TAOK3: variants seen among roughly 807,000 people sequenced by gnomAD.
TAOK3 encodes TAO kinase 3.
Under a neutral mutation model 120.4 loss-of-function variants are expected in TAOK3, and 40 were observed. The observed-to-expected ratio is 0.33, with a 90% CI of 0.26 to 0.43. The LOEUF is 0.43. TAOK3 is among the 20% of genes least tolerant of loss of function. TAOK3 has a pLI of 1.00. For synonymous variants in TAOK3, 355 were observed against 387.5 expected (o/e 0.92, Z 0.99); for missense variants, 821 against 1,112.1 (o/e 0.74, Z 3.72).
At chr12:118,302,555 G>T (rs1302287285) in intron 1 of TAOK3, among the ~76,000 whole-genome samples, 1 of 152,146 alleles carries the variant, frequency 6.6e-6, no homozygotes, top group Non-Finnish European at 1.5e-5. Context: ...ATCTTTGCTG[G>T]AGAGAGGTAA....
chr12:118,262,010 A>G (rs771291192), intron 2 of TAOK3, among the ~76,000 whole-genome samples: 3 of 152,084 alleles, frequency 2.0e-5, no homozygotes, highest in African/African-American at 4.8e-5. Flanking sequence ...ACAGGCATGC[A>G]CCACTATGTC....
chr12:118,163,210 G>T lies in TAOK3; in HGVS notation c.1900-1183C>A, dbSNP rs917110834. ...TGAGGGCTGAGGATTAGAGAAAGCT[G>T]GGCTTCAGATCAAGAAGAAAGGAAA... is the stretch of plus-strand genomic sequence containing the variant. On this transcript the variant is annotated intron_variant, in intron 17 of 20. Coordinates refer to ENST00000392533, the MANE Select transcript of TAOK3 (RefSeq NM_016281.4). Among the ~76,000 whole-genome samples, 3 of 152,134 alleles carry T rather than the reference G, an allele frequency of 2.0e-5. No individual in the cohort carries two copies. In the East Asian group the frequency reaches 5.8e-4, roughly 29 times the overall value.
chr12:118,215,149 G>A (rs1320749926), intron 9 of TAOK3, among the ~76,000 whole-genome samples: 1 of 149,554 alleles, frequency 6.7e-6, no homozygotes, highest in African/African-American at 2.4e-5. Flanking sequence ...AAAGTGCTGG[G>A]ATTACAGGCG....
intron 1 of TAOK3, among the ~76,000 whole-genome samples, chr12:118,336,771 A>G (rs1465247100): frequency 6.6e-6 from 1 of 152,280 alleles, no homozygotes; most frequent in Admixed American, 6.5e-5. Flanking sequence ...AAAAACTCCA[A>G]TTACAAAAAG....
At chr12:118,336,389 G>T (rs142489423) in intron 1 of TAOK3, among the ~76,000 whole-genome samples, 1 of 152,256 alleles carries the variant, frequency 6.6e-6, no homozygotes, top group East Asian at 1.9e-4. Context: ...GGAGGAATGG[G>T]ATGAACATAG....
intron 2 of TAOK3, among the ~76,000 whole-genome samples, chr12:118,261,222 C>T (rs985648203): frequency 6.6e-6 from 1 of 152,104 alleles, no homozygotes; most frequent in Non-Finnish European, 1.5e-5. Flanking sequence ...TAAGTGGAGT[C>T]CCTGAAGGGG....
intron 1 of TAOK3, among the ~76,000 whole-genome samples, chr12:118,337,564 A>G (rs907229860): frequency 2.0e-5 from 3 of 152,246 alleles, no homozygotes; most frequent in Non-Finnish European, 2.9e-5. Flanking sequence ...CATCCATACC[A>G]TGGAAAATTA....
At chr12:118,368,190 C>G (rs1483775701) in intron 1 of TAOK3, among the ~76,000 whole-genome samples, 1 of 152,122 alleles carries the variant, frequency 6.6e-6, no homozygotes, top group Non-Finnish European at 1.5e-5. Flanking sequence ...ATCTTAACGA[C>G]TTTTGGTTAT....
intron 1 of TAOK3, among the ~76,000 whole-genome samples, chr12:118,318,302 A>C (rs2043557339): frequency 6.6e-6 from 1 of 151,782 alleles, no homozygotes; most frequent in African/African-American, 2.4e-5. Flanking sequence ...GGACTACAGG[A>C]ACGCACCACC....
At chr12:118,289,553 A>C (rs1203615897) in intron 1 of TAOK3, among the ~76,000 whole-genome samples, 1 of 152,196 alleles carries the variant, frequency 6.6e-6, no homozygotes, top group East Asian at 1.9e-4. Flanking sequence ...AAGACTCTTT[A>C]AATTTATTTG....
At chr12:118,199,433 A>C in intron 12 of TAOK3, 176 bp from the exon 13 acceptor site, 83 of 611,498 alleles carry the variant, frequency 1.4e-4, no homozygotes, top group East Asian at 2.5e-4. Context: ...CATACATCTC[A>C]TATTTGCTTC....
intron 1 of TAOK3, among the ~76,000 whole-genome samples, chr12:118,303,003 C>T (rs999555834): frequency 6.6e-6 from 1 of 152,166 alleles, no homozygotes; most frequent in Non-Finnish European, 1.5e-5. Context: ...ACTAAACACC[C>T]ACCCAAACAA....
intron 1 of TAOK3, among the ~76,000 whole-genome samples, chr12:118,349,383 T>C (rs2045033449): frequency 6.6e-6 from 1 of 152,170 alleles, no homozygotes; most frequent in Non-Finnish European, 1.5e-5. Context: ...TCTTGAATAA[T>C]CAGAATGTGG....
chr12:118,284,160 T>C (rs2042186919), intron 1 of TAOK3, among the ~76,000 whole-genome samples: 1 of 152,244 alleles, frequency 6.6e-6, no homozygotes, highest in African/African-American at 2.4e-5. Flanking sequence ...TTTATCTTTC[T>C]TTGTTTTTGA....
chr12:118,162,504 G>T lies in TAOK3; in HGVS notation c.1900-477C>A, dbSNP rs529420077. Among the ~76,000 whole-genome samples, 46 of 152,152 alleles carry T rather than the reference G, an allele frequency of 3.0e-4. 2 individuals carry two copies. In the South Asian group the frequency reaches 9.6e-3, roughly 32 times the overall value. On this transcript the variant is annotated intron_variant, in intron 17 of 20. Transcript: ENST00000392533. ...GGGTGGGAGCCTGATGTCAGTATTG[G>T]GAAGAGTTCTCCAGGTGGTGCCAAT...
chr12:118,195,111 TG>T (rs1360858185), intron 13 of TAOK3, among the ~76,000 whole-genome samples: 1 of 152,034 alleles, frequency 6.6e-6, no homozygotes, highest in Non-Finnish European at 1.5e-5. Flanking sequence ...AATGAAGTGT[TG>T]TCCCATTAAA....
intron 1 of TAOK3, among the ~76,000 whole-genome samples, chr12:118,338,786 C>CAAAAAAAAAAA (rs71069438): frequency 4.0e-5 from 2 of 49,836 alleles, no homozygotes; most frequent in East Asian, 6.8e-4. Context: ...GACTCCGTCT[C>CAAAAAAAAAAA]AAAAAAAAAA....
chr12:118,258,439 C>T (rs1432263847), intron 2 of TAOK3, among the ~76,000 whole-genome samples: 4 of 152,106 alleles, frequency 2.6e-5, no homozygotes, highest in East Asian at 1.9e-4. Flanking sequence ...ACTGGCCGGG[C>T]GCAGTGGCTT....
intron 9 of TAOK3, among the ~76,000 whole-genome samples, chr12:118,214,946 C>T (rs1190955584): frequency 1.3e-5 from 2 of 151,506 alleles, no homozygotes; most frequent in Admixed American, 6.6e-5. Context: ...GGTTTCTCCA[C>T]GTTGGTCAGG....
Sources: gnomAD v4.1 joint callset for allele counts (sites outside exome capture counted in the v4.1 genomes callset) on GRCh38, gnomAD v4.1.1 for gene constraint, MANE v1.5 for transcripts, NCBI Gene and HGNC (gene_info 2026-07-23, HGNC 2026-07-21) for gene names.